Variants in RAC1 observed in about 807,000 individuals in gnomAD.
RAC1 encodes ras-related C3 botulinum toxin substrate 1.
Under a neutral mutation model 25.2 loss-of-function variants are expected in RAC1, and 2 were observed. The observed-to-expected ratio is 0.08, with a 90% confidence interval of 0.03 to 0.25. RAC1 has a LOEUF of 0.25. RAC1 is among the 10% of genes least tolerant of loss of function. The probability of loss-of-function intolerance (pLI) is 1.00; values close to 1 mark genes in which losing one functional copy is unlikely to be tolerated. For missense variants in RAC1, 50 were observed against 235.7 expected (o/e 0.21, Z 5.16); for synonymous variants, 88 against 94.0 (o/e 0.94, Z 0.37).
At chr7:6,383,784 C>CTTTTTTTT (rs34847745) in intron 1 of RAC1, among the ~76,000 whole-genome samples, 458 of 39,820 alleles carry the variant, frequency 0.012, 35 homozygotes, top group East Asian at 0.039. Context: ...CAACCTTTAT[C>CTTTTTTTT]TTTTTTTTTT....
intron 3 of RAC1, among the ~76,000 whole-genome samples, chr7:6,393,261 C>T (rs1031847770): frequency 1.3e-5 from 2 of 152,192 alleles, no homozygotes; most frequent in African/African-American, 2.4e-5. Context: ...CTATAATCCC[C>T]AGACAATTCA....
intron 1 of RAC1, among the ~76,000 whole-genome samples, chr7:6,386,592 G>A (rs1782929483): frequency 6.6e-6 from 1 of 151,894 alleles, no homozygotes; most frequent in African/African-American, 2.4e-5. Flanking sequence ...GACCAGCCTG[G>A]CCAACATGGC....
chr7:6,395,136 T>C (rs1311141271), intron 3 of RAC1, among the ~76,000 whole-genome samples: 2 of 152,058 alleles, frequency 1.3e-5, no homozygotes, highest in African/African-American at 4.8e-5. Context: ...TTACAAATTT[T>C]GTATTTTTAG....
chr7:6,392,394 G>A (rs538807605), intron 3 of RAC1, among the ~76,000 whole-genome samples: 1 of 152,320 alleles, frequency 6.6e-6, no homozygotes, highest in East Asian at 1.9e-4. Flanking sequence ...ATCAAATTAG[G>A]CAGTTAAGAT....
intron 4 of RAC1, among the ~76,000 whole-genome samples, chr7:6,401,148 G>A (rs537681960): frequency 6.6e-6 from 1 of 152,008 alleles, no homozygotes; most frequent in Admixed American, 6.6e-5. Flanking sequence ...TAGAGACGGG[G>A]TTTCACCATG....
chr7:6,376,015 T>A (rs1392914007), intron 1 of RAC1: 1 of 147,996 alleles, frequency 6.8e-6, no homozygotes, highest in African/African-American at 2.6e-5. Flanking sequence ...GCATCACGGT[T>A]AACTGGATTG....
Position 6,389,039 on chromosome 7 carries a change from T to G in RAC1, c.107+1756T>G, listed in dbSNP as rs561039618. Among the ~76,000 whole-genome samples, 290 of 151,794 alleles carry G rather than the reference T, an allele frequency of 1.9e-3. 2 individuals carry two copies. The highest frequency in any genetic ancestry group is 6.8e-3 in the African/African-American group (280 of 41,428). The stretch of plus-strand genomic sequence containing the variant: ...AACATGTTAAAACCCCCACCTCTGC[T>G]AAAAATACAGTAGTTAGCCGGGTGT... On this transcript the variant is annotated intron_variant, in intron 2 of 5. Coordinates refer to ENST00000348035, the MANE Select transcript of RAC1 (RefSeq NM_006908.5).
intron 3 of RAC1, among the ~76,000 whole-genome samples, chr7:6,399,469 GCCCCGAAGCACCCTCTA>G (rs745531525): frequency 7.2e-5 from 11 of 152,228 alleles, no homozygotes; most frequent in African/African-American, 1.2e-4. Flanking sequence ...TTTGGCGTGT[GCCCCGAAGCACCCTCTA>G]CTCTGTCCTC....
At chr7:6,383,878 C>CTGCAACT (rs1389453391) in intron 1 of RAC1, among the ~76,000 whole-genome samples, 1 of 133,924 alleles carries the variant, frequency 7.5e-6, no homozygotes, top group Non-Finnish European at 1.5e-5. Flanking sequence ...TCTCGGCTCA[C>CTGCAACT]TGCAACTTCC....
chr7:6,390,093 T>TCC (rs1461673734), intron 2 of RAC1, among the ~76,000 whole-genome samples: 2 of 52,728 alleles, frequency 3.8e-5, no homozygotes, highest in Non-Finnish European at 6.9e-5. Context: ...CCTCCCTCCC[T>TCC]CCCTTTTTTT....
intron 3 of RAC1, chr7:6,398,600 A>C (rs189980475): frequency 2.9e-6 from 4 of 1,374,002 alleles, no homozygotes; most frequent in East Asian, 4.7e-5. Context: ...ATAAGAGGTT[A>C]TATTGATTTT....
At chr7:6,382,073 A>AACCTCTACCCCGTGGC in intron 1 of RAC1, among the ~76,000 whole-genome samples, 1 of 152,058 alleles carries the variant, frequency 6.6e-6, no homozygotes, top group Admixed American at 6.6e-5. Flanking sequence ...AGCTCACTGC[A>AACCTCTACCCCGTGGC]ACCTCTACCC....
At chr7:6,378,057 C>G (rs1308869056) in intron 1 of RAC1, among the ~76,000 whole-genome samples, 3 of 152,118 alleles carry the variant, frequency 2.0e-5, no homozygotes, top group African/African-American at 7.2e-5. Context: ...AACTCCTGCT[C>G]CTTGTCTCAT....
At chr7:6,398,836 A>C (rs889329632) in intron 3 of RAC1, 4 of 963,080 alleles carry the variant, frequency 4.2e-6, no homozygotes, top group Admixed American at 2.3e-5. Flanking sequence ...TATTTAATTC[A>C]CTCAAGGTTG....
chr7:6,394,072 T>C (rs1278507684), intron 3 of RAC1, among the ~76,000 whole-genome samples: 1 of 152,232 alleles, frequency 6.6e-6, no homozygotes, highest in Non-Finnish European at 1.5e-5. Flanking sequence ...CTCTGTGGTC[T>C]GCAGACCTGT....
rs1414855276 is a variant in RAC1 at position 6,403,913 on chromosome 7, T to C, written c.*1467T>C. 1 of 222,518 alleles carries C rather than the reference T, an allele frequency of 4.5e-6. No individual in the cohort carries two copies. The highest frequency in any genetic ancestry group is 2.2e-5 in the African/African-American group (1 of 44,730). 13.8% of individuals were successfully genotyped at this position (222,518 alleles called of 1,614,324 possible). ...GAGTGTTTTTACATTGATCTTTTGCTAATGCAATTAGCATTATGTTTTGCA... is the reference window on the plus strand; with the variant it reads ...GAGTGTTTTTACATTGATCTTTTGCCAATGCAATTAGCATTATGTTTTGCA... On this transcript the variant is annotated 3_prime_UTR_variant, in exon 6 of 6. Transcript: ENST00000348035.
At chr7:6,388,274 C>T (rs1460800817) in intron 2 of RAC1, among the ~76,000 whole-genome samples, 1 of 151,670 alleles carries the variant, frequency 6.6e-6, no homozygotes, top group Non-Finnish European at 1.5e-5. Flanking sequence ...TTCACCTCCT[C>T]AGGCACAACA....
chr7:6,376,505 TC>T (rs1398435524), intron 1 of RAC1, among the ~76,000 whole-genome samples: 6,641 of 143,672 alleles, frequency 0.046, 452 homozygotes, highest in African/African-American at 0.14. Flanking sequence ...TTTTTTCTTT[TC>T]TTTTTTTTTT....
chr7:6,380,544 C>G (rs1213158020), intron 1 of RAC1, among the ~76,000 whole-genome samples: 1 of 152,160 alleles, frequency 6.6e-6, no homozygotes, highest in Non-Finnish European at 1.5e-5. Context: ...GTACTGCCTA[C>G]TTTTTCACAT....
Sources: allele counts gnomAD v4.1 joint callset (sites outside exome capture counted in the v4.1 genomes callset), GRCh38; gene constraint gnomAD v4.1.1; transcripts MANE v1.5; gene names NCBI Gene and HGNC (gene_info 2026-07-23, HGNC 2026-07-21).